Variants in FAM9A observed in about 807,000 individuals in gnomAD.
FAM9A encodes the protein protein FAM9A.
Under a neutral mutation model 25.0 loss-of-function variants are expected in FAM9A, and 49 were observed. That is an observed-to-expected ratio of 1.96 (90% CI 1.56 to 2.48). The LOEUF (loss-of-function observed/expected upper bound fraction) is 2.48. Among genes scored for constraint, FAM9A ranks in the 30% most tolerant of loss-of-function variants. The pLI, the probability that FAM9A is intolerant of heterozygous loss-of-function variation, is 0.00. For synonymous variants in FAM9A, 80 were observed against 85.1 expected (o/e 0.94, Z 0.33); for missense variants, 266 against 249.3 (o/e 1.07, Z -0.45).
chrX:8,797,056 G>C (rs774467923), intron 5 of FAM9A, among the ~76,000 whole-genome samples: 16 of 112,238 alleles, frequency 1.4e-4, no homozygotes, highest in African/African-American at 5.2e-4. Context: ...TTTCACATCA[G>C]AGATCTACCA....
At chrX:8,800,232 T>C (rs1240358210) in intron 1 of FAM9A, 23 bp from the exon 2 acceptor site, 11 of 1,153,112 alleles carry the variant, frequency 9.5e-6, no homozygotes, top group Admixed American at 2.4e-5. Context: ...AAAGTCAAAC[T>C]AAGTAAGCTA....
chrX:8,791,233 T>C, intron 9 of FAM9A, 47 bp downstream of exon 9: 1 of 893,035 alleles, frequency 1.1e-6, no homozygotes, highest in South Asian at 2.9e-5. Flanking sequence ...AATATTCCAG[T>C]GCTTACATCA....
chrX:8,793,636 T>C, intron 8 of FAM9A, 22 bp downstream of exon 8: 1 of 1,151,836 alleles, frequency 8.7e-7, no homozygotes, highest in Non-Finnish European at 1.2e-6. Context: ...TATAATGTAT[T>C]ATGTTACCAA....
rs1326753363 is a variant in FAM9A, at chrX:8,795,417, C to T, written c.492G>A (p.Gln164=). 1 of 1,187,301 alleles carries T rather than the reference C, an allele frequency of 8.4e-7. No individual in the cohort carries two copies. Among genetic ancestry groups the T allele is most frequent in the Admixed American group, 2.3e-5 (1 of 44,401 alleles). The change falls in exon 7 of 10, where the codon CAG becomes CAA. Residue 164 remains glutamine (Q), a synonymous_variant. Transcript: ENST00000381003. The part of the protein sequence containing the change: ...RALKKKQLKR[Q]KRDYRHTRKL... ...TCCGAGTATGTCTATAATCACGTTTCTGCCTGTAACACATAATAAGTAATA... is the reference window on the plus strand; with the variant it reads ...TCCGAGTATGTCTATAATCACGTTTTTGCCTGTAACACATAATAAGTAATA...
chrX:8,792,530 A>G (rs1462793042), intron 8 of FAM9A, among the ~76,000 whole-genome samples: 8 of 111,711 alleles, frequency 7.2e-5, no homozygotes, highest in Middle Eastern at 4.2e-3. Context: ...GAAGAGTCCA[A>G]GATGATAGCA....
intron 7 of FAM9A, among the ~76,000 whole-genome samples, 191 bp downstream of exon 7, chrX:8,794,887 G>A (rs536594542): frequency 8.7e-4 from 97 of 111,669 alleles, no homozygotes; most frequent in African/African-American, 2.9e-3. Flanking sequence ...CTTCTTTATC[G>A]CTATGATGCT....
intron 8 of FAM9A, among the ~76,000 whole-genome samples, chrX:8,792,016 G>A (rs753189949): frequency 1.4e-3 from 162 of 112,172 alleles, no homozygotes; most frequent in Non-Finnish European, 1.9e-3. Flanking sequence ...ACTCAGACAT[G>A]TAGCCAAAAA....
In FAM9A at chrX:8,794,981, C is replaced by T; in HGVS notation, c.831+97G>A. 2.7e-6 allele frequency: 3 copies of T among 1,111,628 alleles called. No homozygotes were observed. In the South Asian group the frequency reaches 7.1e-5, roughly 26 times the overall value. 91.6% of individuals were successfully genotyped at this position (1,111,628 alleles called of 1,213,427 possible). On this transcript the variant is annotated intron_variant, in intron 7 of 9. Coordinates refer to ENST00000381003, the MANE Select transcript of FAM9A (RefSeq NM_174951.3). ...ACTTATGGGCCCCCCTCTCTGGGCT[C>T]ATGCTCTCTTCCTTCTTTGCTGGAT... is the stretch of plus-strand genomic sequence containing the variant.
At position 8,795,205 on chromosome X, in the gene FAM9A, T is replaced by G. The variant is rs769174807; in HGVS notation, c.704A>C (p.Glu235Ala). Residue 235 changes from glutamate to alanine, a missense_variant, in exon 7 of 10, where the codon GAG (glutamate) becomes GCG (alanine). Coordinates refer to ENST00000381003, the MANE Select transcript of FAM9A (RefSeq NM_174951.3). ...TTCTTCTTCTCCTTCTTCTTCCTCC[T>G]CTTCTTTCTCCTCCTCCTCCTCCTT... ...EEKEEEEEKE[E>A]EEEEGEEEGG... 1.3e-5 allele frequency: 14 copies of G among 1,063,025 alleles called. No individual in the cohort carries two copies. In the South Asian group the frequency reaches 2.2e-4, roughly 17 times the overall value. The allele number at this position is 1,063,025 out of a possible 1,213,427, so 87.6% of individuals were successfully genotyped here.
At position 8,791,380 on chromosome X, in the gene FAM9A, CTA is replaced by C; in HGVS notation, c.931-3_931-2del. 8.4e-7 allele frequency: 1 copy of C among 1,196,248 alleles called. No homozygotes were observed. On this transcript the variant is annotated splice_acceptor_variant and splice_polypyrimidine_tract_variant and intron_variant, in intron 8 of 9. Transcript: ENST00000381003. LOFTEE classifies it high-confidence loss of function. ...AATTGTCTTTAGTGTCCTTGGCAGC[CTA>C]AAAGAAAAAGTCTAGTTCACTGACA... is the stretch of plus-strand genomic sequence containing the variant.
rs187341789 is a variant in FAM9A at position 8,792,057 on chromosome X, G to A, written c.931-678C>T. Among the ~76,000 whole-genome samples the A allele has an allele frequency of 1.1e-3, 119 of 111,937 alleles. 1 individual carries two copies. Among genetic ancestry groups the A allele is most frequent in the Non-Finnish European group, 1.4e-3 (77 of 53,183 alleles). On this transcript the variant is annotated intron_variant, in intron 8 of 9. Coordinates refer to ENST00000381003, the MANE Select transcript of FAM9A (RefSeq NM_174951.3). ...ACGTATGTTGACTTAGTTGGCAAAAGGTTTAAATTGGTCTTAGTCAAAAAA... is the reference window on the plus strand; with the variant it reads ...ACGTATGTTGACTTAGTTGGCAAAAAGTTTAAATTGGTCTTAGTCAAAAAA...
At chrX:8,797,052 A>C (rs764249821) in intron 5 of FAM9A, among the ~76,000 whole-genome samples, 2 of 112,341 alleles carry the variant, frequency 1.8e-5, no homozygotes, top group Non-Finnish European at 3.8e-5. Context: ...ATGGTTTCAC[A>C]TCAGAGATCT....
chrX:8,801,000 C>G (rs1351991518), intron 1 of FAM9A, among the ~76,000 whole-genome samples: 1 of 89,496 alleles, frequency 1.1e-5, no homozygotes, highest in African/African-American at 4.2e-5. Context: ...TGCCCTGGCC[C>G]ATCCCAGCCC....
At chrX:8,797,274 G>A (rs113595108) in intron 5 of FAM9A, among the ~76,000 whole-genome samples, 2,049 of 111,782 alleles carry the variant, frequency 0.018, 47 homozygotes, top group African/African-American at 0.064. Flanking sequence ...TTAAAAATAA[G>A]AGTATTGTCT....
chrX:8,796,108 T>C (rs754477218), intron 6 of FAM9A, among the ~76,000 whole-genome samples, 160 bp downstream of exon 6: 91 of 111,955 alleles, frequency 8.1e-4, no homozygotes, highest in African/African-American at 2.9e-3. Context: ...AAACTGAGGT[T>C]ATAAAACAAA....
At chrX:8,800,737 T>G in intron 1 of FAM9A, among the ~76,000 whole-genome samples, 1 of 15,398 alleles carries the variant, frequency 6.5e-5, no homozygotes, top group Non-Finnish European at 1.2e-4. Context: ...CCTTCCCCCA[T>G]CCCCTCACCC....
chrX:8,801,340 A>G lies in FAM9A; in HGVS notation c.-68T>C, dbSNP rs1008073751. On this transcript the variant is annotated 5_prime_UTR_variant, in exon 1 of 10. Coordinates refer to ENST00000381003, the MANE Select transcript of FAM9A (RefSeq NM_174951.3). ...GGGACCCCTGATGCCGCTTCCTCAC[A>G]GAACCTGCAGGCACTGGCACCACGA... is the stretch of plus-strand genomic sequence containing the variant. 1.8e-5 allele frequency: 2 copies of G among 110,238 alleles called. No individual in the cohort carries two copies. Among genetic ancestry groups the G allele is most frequent in the African/African-American group, 6.6e-5 (2 of 30,239 alleles). 9.1% of individuals were successfully genotyped at this position (110,238 alleles called of 1,213,427 possible).
chrX:8,793,028 C>T lies in FAM9A; in HGVS notation c.930+630G>A, dbSNP rs763379843. 5.4e-5 allele frequency among the ~76,000 whole-genome samples: 6 copies of T among 112,082 alleles called. No homozygotes were observed. The South Asian group carries it at 1.9e-3, about 35-fold the overall frequency. ...ATTGTCATGTAAAACCATTACTAGT[C>T]GCTGATAATTTTGAAAGTGAATATG... On this transcript the variant is annotated intron_variant, in intron 8 of 9. Transcript: ENST00000381003.
At position 8,795,299 on chromosome X, in the gene FAM9A, C is replaced by A; in HGVS notation, c.610G>T (p.Ala204Ser). 1 of 1,201,495 alleles carries A rather than the reference C, an allele frequency of 8.3e-7. No homozygotes were observed. The highest frequency in any genetic ancestry group is 1.7e-5 in the African/African-American group (1 of 57,305). The change falls in exon 7 of 10, where the codon GCA (alanine) becomes TCA (serine). Residue 204 changes from alanine (A) to serine (S), a missense_variant. Coordinates refer to ENST00000381003, the MANE Select transcript of FAM9A (RefSeq NM_174951.3). Reference sequence around the variant, plus strand: ...GCTGCTGCGGCTTCTGCTGCTGCTGCGGCTTCTGCTGCTGCTGCTGCGGCT... The same window carrying A: ...GCTGCTGCGGCTTCTGCTGCTGCTGAGGCTTCTGCTGCTGCTGCTGCGGCT... ...AEAAAAAAEA[A>S]AAAEAAAAAA...
Sources: allele counts gnomAD v4.1 joint callset (sites outside exome capture counted in the v4.1 genomes callset), GRCh38; gene constraint gnomAD v4.1.1; transcripts MANE v1.5; gene names NCBI Gene and HGNC (gene_info 2026-07-23, HGNC 2026-07-21).